Variants in ZDHHC13 observed in about 807,000 individuals in gnomAD.
ZDHHC13 encodes zDHHC palmitoyltransferase 13.
In ZDHHC13, 85 loss-of-function variants were observed where a neutral mutation model predicts 86.0. The ratio of observed to expected loss-of-function variants is 0.99; its 90% CI spans 0.83 to 1.18. The LOEUF is 1.18. Ranked by LOEUF, ZDHHC13 falls within the 50% of genes most tolerant of loss-of-function variation. The pLI is 0.00. For synonymous variants in ZDHHC13, 263 were observed against 246.4 expected, an observed-to-expected ratio of 1.07 and a Z score of -0.63; for missense variants, 711 against 730.2, an observed-to-expected ratio of 0.97 and a Z score of 0.30.
At chr11:19,131,822 C>CG (rs1565020994) in intron 1 of ZDHHC13, among the ~76,000 whole-genome samples, 1 of 152,004 alleles carries the variant, frequency 6.6e-6, no homozygotes, top group African/African-American at 2.4e-5. Flanking sequence ...TTAGTAGAGA[C>CG]GGGGTTTCAC....
intron 14 of ZDHHC13, 89 bp from the exon 15 acceptor site, chr11:19,170,322 A>ATATAGAAC: frequency 2.0e-6 from 3 of 1,465,740 alleles, no homozygotes; most frequent in Non-Finnish European, 2.7e-6. Flanking sequence ...TCTTCTCCCT[A>ATATAGAAC]TATAGAACTG....
intron 1 of ZDHHC13, among the ~76,000 whole-genome samples, chr11:19,135,791 A>G (rs1193212390): frequency 6.6e-6 from 1 of 152,228 alleles, no homozygotes; most frequent in African/African-American, 2.4e-5. Context: ...CCTAACTGGG[A>G]GGCACCCCCC....
intron 1 of ZDHHC13, among the ~76,000 whole-genome samples, chr11:19,128,413 C>T (rs1848921904): frequency 6.6e-6 from 1 of 152,152 alleles, no homozygotes; most frequent in African/African-American, 2.4e-5. Context: ...GTTTGACTTC[C>T]TCTCTTCCTA....
At chr11:19,119,618 A>G (rs1848719229) in intron 1 of ZDHHC13, among the ~76,000 whole-genome samples, 1 of 151,684 alleles carries the variant, frequency 6.6e-6, no homozygotes, top group Non-Finnish European at 1.5e-5. Flanking sequence ...CAGCACTACC[A>G]GCAACACTCC....
chr11:19,160,310 A>G (rs1849875743), intron 10 of ZDHHC13, among the ~76,000 whole-genome samples: 1 of 151,892 alleles, frequency 6.6e-6, no homozygotes, highest in Non-Finnish European at 1.5e-5. Context: ...TTTGTCTCAT[A>G]ATTACTGATT....
Position 19,166,383 on chromosome 11 carries a change from T to C in ZDHHC13, c.1472T>C (p.Ile491Thr). ...VCGWIIYGSF[I>T]YLSSHCATTF... ...GGCTGGATTATATATGGATCTTTCATCTGTAAGTGTAAATTTTTCTTACAA... is the reference window on the plus strand; with the variant it reads ...GGCTGGATTATATATGGATCTTTCACCTGTAAGTGTAAATTTTTCTTACAA... Residue 491 changes from isoleucine (I) to threonine (T), a missense_variant and splice_region_variant, in exon 14 of 17, where the codon ATC (isoleucine) becomes ACC (threonine). Coordinates refer to ENST00000446113, the MANE Select transcript of ZDHHC13 (RefSeq NM_019028.3). 6.2e-7 allele frequency: 1 copy of C among 1,608,746 alleles called. No homozygotes were observed. Among genetic ancestry groups the C allele is most frequent in the Non-Finnish European group, 8.5e-7 (1 of 1,177,974 alleles).
rs765459373 is a variant in ZDHHC13 at position 19,149,139 on chromosome 11, T to C, written c.375-48T>C. On this transcript the variant is annotated intron_variant, in intron 4 of 16. Coordinates refer to ENST00000446113, the MANE Select transcript of ZDHHC13 (RefSeq NM_019028.3). ...GGAATATCAGTCTCTCCCTGACTTTTTGCTTTTTCTGCATGCTACAGAATG... is the reference window on the plus strand; with the variant it reads ...GGAATATCAGTCTCTCCCTGACTTTCTGCTTTTTCTGCATGCTACAGAATG... The C allele has an allele frequency of 2.8e-6, 4 of 1,417,398 alleles. No individual in the cohort carries two copies. In the African/African-American group the frequency reaches 5.7e-5, roughly 20 times the overall value. 87.8% of individuals were successfully genotyped at this position (1,417,398 alleles called of 1,614,324 possible). A position where few individuals can be genotyped will look rare whatever the true frequency, so the allele number is the denominator to read the frequency against.
intron 9 of ZDHHC13, among the ~76,000 whole-genome samples, chr11:19,156,630 C>A (rs934235462): frequency 2.6e-5 from 4 of 152,128 alleles, no homozygotes; most frequent in Non-Finnish European, 5.9e-5. Context: ...TTACCTTTCT[C>A]AGTCAAATGG....
chr11:19,147,707 C>T lies in ZDHHC13; in HGVS notation c.374+34C>T, dbSNP rs182557912. On this transcript the variant is annotated intron_variant, in intron 4 of 16. Transcript: ENST00000446113. Reference sequence around the variant, plus strand: ...TCTTTGAACACTGAAATTAAATAGCCACATATAGCTAGTGGTCACCATATA... The same window carrying T: ...TCTTTGAACACTGAAATTAAATAGCTACATATAGCTAGTGGTCACCATATA... 4.4e-5 allele frequency: 67 copies of T among 1,509,216 alleles called. 1 individual carries two copies. In the Admixed American group the frequency reaches 1.0e-3, roughly 23 times the overall value. The allele number at this position is 1,509,216 out of a possible 1,614,324, so 93.5% of individuals were successfully genotyped here. A position where few individuals can be genotyped will look rare whatever the true frequency, so the allele number is the denominator to read the frequency against.
intron 1 of ZDHHC13, among the ~76,000 whole-genome samples, chr11:19,124,121 A>G (rs566219612): frequency 2.0e-5 from 3 of 152,206 alleles, no homozygotes; most frequent in Non-Finnish European, 4.4e-5. Context: ...TCTCTAACCA[A>G]AGGGGAGTGT....
intron 7 of ZDHHC13, 90 bp from the exon 8 acceptor site, chr11:19,152,469 G>A (rs1849638925): frequency 2.7e-6 from 4 of 1,456,306 alleles, no homozygotes; most frequent in Non-Finnish European, 3.6e-6. Context: ...ATAATGTGTT[G>A]AGTCTATGAT....
intron 8 of ZDHHC13, among the ~76,000 whole-genome samples, chr11:19,154,919 C>A (rs77597859): frequency 6.6e-6 from 1 of 152,176 alleles, no homozygotes; most frequent in Non-Finnish European, 1.5e-5. Flanking sequence ...GCTTTACCAC[C>A]TATGTACTGA....
rs935748031 is a variant in ZDHHC13, at chr11:19,133,404, CACAT to C, written c.28-9572_28-9569del. Reference sequence around the variant, plus strand: ...ATATATATACACACACACACACACACACATATATATATATATACCTAGAGACATG... The same window carrying C: ...ATATATATACACACACACACACACACATATATATATATACCTAGAGACATG... On this transcript the variant is annotated intron_variant, in intron 1 of 16. Coordinates refer to ENST00000446113, the MANE Select transcript of ZDHHC13 (RefSeq NM_019028.3). 6.9e-5 allele frequency among the ~76,000 whole-genome samples: 9 copies of C among 129,968 alleles called. No homozygotes were observed. The South Asian group carries it at 2.0e-3, about 29-fold the overall frequency. 85.3% of individuals were successfully genotyped at this position (129,968 alleles called of 152,430 possible). A position where few individuals can be genotyped will look rare whatever the true frequency, so the allele number is the denominator to read the frequency against.
At chr11:19,175,294 G>A (rs1383778899) in intron 16 of ZDHHC13, among the ~76,000 whole-genome samples, 2 of 150,388 alleles carry the variant, frequency 1.3e-5, no homozygotes, top group African/African-American at 4.9e-5. Flanking sequence ...GGAGGCTGAG[G>A]CAGGAGAATG....
In ZDHHC13 at chr11:19,166,288, TC is replaced by T. The variant is rs771718476; in HGVS notation, c.1391-13del. 1 of 1,596,122 alleles carries T rather than the reference TC, an allele frequency of 6.3e-7. No individual in the cohort carries two copies. The highest frequency in any genetic ancestry group is 1.3e-5 in the African/African-American group (1 of 74,106). On this transcript the variant is annotated splice_polypyrimidine_tract_variant and intron_variant, in intron 13 of 16. Coordinates refer to ENST00000446113, the MANE Select transcript of ZDHHC13 (RefSeq NM_019028.3). ...ACGAAAATATTAAGTATGTTTTTTT[TC>T]TTTTTTCTTGAGGTTTTGGCAACCA...
chr11:19,170,752 T>A (rs1398463543), intron 15 of ZDHHC13, among the ~76,000 whole-genome samples, 184 bp downstream of exon 15: 1 of 152,204 alleles, frequency 6.6e-6, no homozygotes, highest in Non-Finnish European at 1.5e-5. Context: ...ATGAGGATAA[T>A]AACGCCTGTC....
chr11:19,166,486 A>T (rs1850073213), intron 14 of ZDHHC13, 101 bp downstream of exon 14: 2 of 886,452 alleles, frequency 2.3e-6, no homozygotes, highest in African/African-American at 3.4e-5. Flanking sequence ...GTGACTATAA[A>T]CCATACTCCT....
At chr11:19,136,746 G>A (rs1342197235) in intron 1 of ZDHHC13, among the ~76,000 whole-genome samples, 2 of 152,080 alleles carry the variant, frequency 1.3e-5, no homozygotes, top group African/African-American at 4.8e-5. Flanking sequence ...CAAGCCAGAA[G>A]ATAGTGGGGG....
chr11:19,149,039 G>C, intron 4 of ZDHHC13, 148 bp from the exon 5 acceptor site: 1 of 657,102 alleles, frequency 1.5e-6, no homozygotes, highest in East Asian at 3.2e-5. Context: ...AAAACGTTTG[G>C]ACAATCACCA....
Sources: gnomAD v4.1 joint callset for allele counts (sites outside exome capture counted in the v4.1 genomes callset) on GRCh38, gnomAD v4.1.1 for gene constraint, MANE v1.5 for transcripts, NCBI Gene and HGNC (gene_info 2026-07-23, HGNC 2026-07-21) for gene names.